Variants in SAT2 observed in about 807,000 individuals in gnomAD.
The protein encoded by SAT2 is thialysine N-epsilon-acetyltransferase.
SAT2 carries 19 observed loss-of-function variants against 24.8 expected under a neutral mutation model. The ratio of observed to expected loss-of-function variants is 0.77; its 90% CI spans 0.53 to 1.12. The LOEUF is 1.12. Ranked by LOEUF, SAT2 falls within the 50% of genes most tolerant of loss-of-function variation. The pLI is 0.00. For missense variants in SAT2, 190 were observed against 210.7 expected (o/e 0.90, Z 0.61); for synonymous variants, 77 against 77.4 (o/e 0.99, Z 0.03).
Position 7,626,432 on chromosome 17 carries a change from C to T in SAT2, c.*15G>A, listed in dbSNP as rs2072207724. 1 of 1,613,264 alleles carries T rather than the reference C, an allele frequency of 6.2e-7. No individual in the cohort carries two copies. The highest frequency in any genetic ancestry group is 1.3e-5 in the African/African-American group (1 of 74,896). On this transcript the variant is annotated 3_prime_UTR_variant, in exon 6 of 6. Transcript: ENST00000269298. ...GAAGGAGAAACTCAAGACAGAGATC[C>T]TCCTAGGGATGGCGTCACTTTCCTG...
rs776874716 is a variant in SAT2, at chr17:7,627,405, C to T, written c.76G>A (p.Glu26Lys). 3 of 1,614,090 alleles carry T rather than the reference C, an allele frequency of 1.9e-6. No homozygotes were observed. Among genetic ancestry groups the T allele is most frequent in the Non-Finnish European group, 2.5e-6 (3 of 1,180,018 alleles). The change falls in exon 2 of 6, where the codon GAA becomes AAA. Residue 26 changes from glutamate (E) to lysine (K), a missense_variant. Coordinates refer to ENST00000269298, the MANE Select transcript of SAT2 (RefSeq NM_133491.5). This position sits in a 1 kb window ranked among gnomAD's most constrained non-coding sequence, Gnocchi z 4.8. ...DILRLIRELA[E>K]FEKLSDQVKI... ...ACCTGATCCGAGAGTTTTTCGAATTCGGCTAGCTCCTAAGGCGTGGGTACG... is the reference window on the plus strand; with the variant it reads ...ACCTGATCCGAGAGTTTTTCGAATTTGGCTAGCTCCTAAGGCGTGGGTACG...
chr17:7,627,338 C>T lies in SAT2; in HGVS notation c.118+25G>A, dbSNP rs2150962931. The T allele has an allele frequency of 6.2e-7, 1 of 1,614,186 alleles. No individual in the cohort carries two copies. Among genetic ancestry groups the T allele is most frequent in the Non-Finnish European group, 8.5e-7 (1 of 1,180,028 alleles). ...CCCTCATTTCCTCCCCAGCCTCCGC[C>T]AGAACCTGGGCGCTGAGCCCCCACC... On this transcript the variant is annotated intron_variant, in intron 2 of 5. Transcript: ENST00000269298. This position sits in a 1 kb window ranked among gnomAD's most constrained non-coding sequence, Gnocchi z 4.8.
rs896743827 is a variant in SAT2 at position 7,627,332 on chromosome 17, C to T, written c.118+31G>A. The T allele has an allele frequency of 1.2e-6, 2 of 1,614,020 alleles. No individual in the cohort carries two copies. The stretch of plus-strand genomic sequence containing the variant: ...ACCCATCCCTCATTTCCTCCCCAGC[C>T]TCCGCCAGAACCTGGGCGCTGAGCC... On this transcript the variant is annotated intron_variant, in intron 2 of 5. Transcript: ENST00000269298. The surrounding 1 kb of genome is among the most constrained non-coding windows in gnomAD (Gnocchi z 4.8).
upstream of SAT2, chr17:7,627,840 T>A (rs879786656): frequency 1.5e-6 from 1 of 663,850 alleles, no homozygotes; most frequent in Non-Finnish European, 2.8e-6. The surrounding 1 kb of genome is among the most constrained non-coding windows in gnomAD (Gnocchi z 4.8). Flanking sequence ...AGCGAGGCGA[T>A]CCTCTGTCCG....
Position 7,626,395 on chromosome 17 carries a change from T to G in SAT2, c.*52A>C. 6.3e-7 allele frequency: 1 copy of G among 1,598,558 alleles called. No individual in the cohort carries two copies. The highest frequency in any genetic ancestry group is 8.5e-7 in the Non-Finnish European group (1 of 1,170,010). On this transcript the variant is annotated 3_prime_UTR_variant, in exon 6 of 6. Coordinates refer to ENST00000269298, the MANE Select transcript of SAT2 (RefSeq NM_133491.5). ...GTGGACGTAGTCTCTGAAGAGTGCTTCAGCTGATGGGGAAGGAGAAACTCA... is the reference window on the plus strand; with the variant it reads ...GTGGACGTAGTCTCTGAAGAGTGCTGCAGCTGATGGGGAAGGAGAAACTCA...
rs749498099 is a variant in SAT2 at position 7,626,999 on chromosome 17, G to A, written c.248C>T (p.Thr83Ile). ...GYGIYYFIYSTWKGRTIYLED... is the reference protein window; with the variant it reads ...GYGIYYFIYSIWKGRTIYLED... ...CAGATAAATGGTGCGTCCCTTCCAT[G>A]TACTGTAGATGAAATAGTATATCCC... is the stretch of plus-strand genomic sequence containing the variant. Residue 83 changes from threonine (T) to isoleucine (I), a missense_variant, in exon 4 of 6, where the codon ACA becomes ATA. Thr to Ile is a moderately conservative substitution (Grantham distance 89). Coordinates refer to ENST00000269298, the MANE Select transcript of SAT2 (RefSeq NM_133491.5). 1 of 1,613,942 alleles carries A rather than the reference G, an allele frequency of 6.2e-7. No homozygotes were observed. Among genetic ancestry groups the A allele is most frequent in the Admixed American group, 1.7e-5 (1 of 59,990 alleles).
Position 7,626,807 on chromosome 17 carries a change from A to G in SAT2, c.305-14T>C. 9.3e-6 allele frequency: 15 copies of G among 1,613,860 alleles called. No homozygotes were observed. The highest frequency in any genetic ancestry group is 1.3e-5 in the Non-Finnish European group (15 of 1,179,942). ...CAATCCCTTGACCTGTTGTGGAGAG[A>G]AAGAGGCAAAAAATAGCTATTGTTT... is the stretch of plus-strand genomic sequence containing the variant. On this transcript the variant is annotated splice_polypyrimidine_tract_variant and intron_variant, in intron 4 of 5. Coordinates refer to ENST00000269298, the MANE Select transcript of SAT2 (RefSeq NM_133491.5).
rs1447456523 is a variant in SAT2 at position 7,627,158 on chromosome 17, G to T, written c.187C>A (p.Pro63Thr). The T allele has an allele frequency of 1.2e-6, 2 of 1,614,130 alleles. No homozygotes were observed. The highest frequency in any genetic ancestry group is 8.5e-7 in the Non-Finnish European group (1 of 1,180,026). ...HCLVAEILPAPGKLLGPCVVG... is the reference protein window; with the variant it reads ...HCLVAEILPATGKLLGPCVVG... ...GTGCTCTTACCCAGTAGCTTCCCGG[G>T]CGCTGGAAGAATCTCTGCTACCAAA... Residue 63 changes from proline (P) to threonine (T), a missense_variant, in exon 3 of 6, where the codon CCC becomes ACC. Physicochemically the swap from Pro to Thr is conservative, Grantham distance 38. Coordinates refer to ENST00000269298, the MANE Select transcript of SAT2 (RefSeq NM_133491.5). The surrounding 1 kb of genome is among the most constrained non-coding windows in gnomAD (Gnocchi z 4.8).
In SAT2 at chr17:7,627,254, G is replaced by T. The variant is rs765505793; in HGVS notation, c.119-28C>A. On this transcript the variant is annotated intron_variant, in intron 2 of 5. Coordinates refer to ENST00000269298, the MANE Select transcript of SAT2 (RefSeq NM_133491.5). The surrounding 1 kb of genome is among the most constrained non-coding windows in gnomAD (Gnocchi z 4.8). ...GCCGAGATTGGAGTTGTGACAAAGAGATAGAGAAAGAGGACGTGGGTGTAT... is the reference window on the plus strand; with the variant it reads ...GCCGAGATTGGAGTTGTGACAAAGATATAGAGAAAGAGGACGTGGGTGTAT... The T allele has an allele frequency of 1.9e-6, 3 of 1,613,438 alleles. No homozygotes were observed. The highest frequency in any genetic ancestry group is 2.5e-6 in the Non-Finnish European group (3 of 1,179,412).
rs1325862155 is a variant in SAT2 at position 7,627,714 on chromosome 17, G to A, written c.-79C>T. 2 of 1,527,252 alleles carry A rather than the reference G, an allele frequency of 1.3e-6. No individual in the cohort carries two copies. The highest frequency in any genetic ancestry group is 1.8e-6 in the Non-Finnish European group (2 of 1,102,272). 94.6% of individuals were successfully genotyped at this position (1,527,252 alleles called of 1,614,324 possible). On this transcript the variant is annotated 5_prime_UTR_variant, in exon 1 of 6. Coordinates refer to ENST00000269298, the MANE Select transcript of SAT2 (RefSeq NM_133491.5). The surrounding 1 kb of genome is among the most constrained non-coding windows in gnomAD (Gnocchi z 4.8). Reference sequence around the variant, plus strand: ...GACCCCTTAAAGGGCCTACGGACTTGGATCCTGAAGAGCCTGAGAGAGCGG... The same window carrying A: ...GACCCCTTAAAGGGCCTACGGACTTAGATCCTGAAGAGCCTGAGAGAGCGG...
rs1458791834 is a variant in SAT2 at position 7,627,655 on chromosome 17, G to A, written c.-20C>T. 2.5e-6 allele frequency: 4 copies of A among 1,613,952 alleles called. No homozygotes were observed. The East Asian group carries it at 8.9e-5, about 36-fold the overall frequency. On this transcript the variant is annotated 5_prime_UTR_variant, in exon 1 of 6. Transcript: ENST00000269298. The surrounding 1 kb of genome is among the most constrained non-coding windows in gnomAD (Gnocchi z 4.8). The stretch of plus-strand genomic sequence containing the variant: ...AGCCATCCGGATCCCCGCTGTCTGG[G>A]ACCAAAGTCCCAGGGCCTCGCAAAC...
rs911877399 is a variant in SAT2, at chr17:7,627,467, C to G, written c.67-53G>C. The G allele has an allele frequency of 9.8e-5, 158 of 1,607,930 alleles. No homozygotes were observed. Among genetic ancestry groups the G allele is most frequent in the Admixed American group, 1.8e-4 (11 of 59,950 alleles). ...AGAGCAGAAGGGCCCCGCTGCTCCC[C>G]GAGCAGGTTCCCAAGGCGAGCCCCT... On this transcript the variant is annotated intron_variant, in intron 1 of 5. Coordinates refer to ENST00000269298, the MANE Select transcript of SAT2 (RefSeq NM_133491.5). This position sits in a 1 kb window ranked among gnomAD's most constrained non-coding sequence, Gnocchi z 4.8.
intron 4 of SAT2, 35 bp from the exon 5 acceptor site, chr17:7,626,828 T>A (rs1306489221): frequency 4.3e-6 from 7 of 1,612,350 alleles, no homozygotes; most frequent in Non-Finnish European, 5.9e-6. Context: ...AAATAGCTAT[T>A]GTTTGAGCTG....
At position 7,627,675 on chromosome 17, in the gene SAT2, G is replaced by A; in HGVS notation, c.-40C>T. 6.2e-7 allele frequency: 1 copy of A among 1,612,772 alleles called. No homozygotes were observed. The highest frequency in any genetic ancestry group is 1.1e-5 in the South Asian group (1 of 91,046). Reference sequence around the variant, plus strand: ...TCTGGGACCAAAGTCCCAGGGCCTCGCAAACGGCAACTAGACCCCTTAAAG... The same window carrying A: ...TCTGGGACCAAAGTCCCAGGGCCTCACAAACGGCAACTAGACCCCTTAAAG... On this transcript the variant is annotated 5_prime_UTR_variant, in exon 1 of 6. Transcript: ENST00000269298. The surrounding 1 kb of genome is among the most constrained non-coding windows in gnomAD (Gnocchi z 4.8).
rs756830485 is a variant in SAT2 at position 7,627,717 on chromosome 17, T to C, written c.-82A>G. On this transcript the variant is annotated 5_prime_UTR_variant, in exon 1 of 6. Coordinates refer to ENST00000269298, the MANE Select transcript of SAT2 (RefSeq NM_133491.5). The surrounding 1 kb of genome is among the most constrained non-coding windows in gnomAD (Gnocchi z 4.8). The stretch of plus-strand genomic sequence containing the variant: ...CCCTTAAAGGGCCTACGGACTTGGA[T>C]CCTGAAGAGCCTGAGAGAGCGGGGT... The C allele has an allele frequency of 2.7e-6, 4 of 1,484,576 alleles. No homozygotes were observed. The African/African-American group carries it at 4.2e-5, about 16-fold the overall frequency. The allele number at this position is 1,484,576 out of a possible 1,614,324, so 92.0% of individuals were successfully genotyped here.
rs1329231854 is a variant in SAT2, at chr17:7,627,564, CT to C, written c.66+5del. 2 of 1,609,764 alleles carry C rather than the reference CT, an allele frequency of 1.2e-6. No homozygotes were observed. Among genetic ancestry groups the C allele is most frequent in the Admixed American group, 1.7e-5 (1 of 59,634 alleles). On this transcript the variant is annotated splice_donor_5th_base_variant and intron_variant, in intron 1 of 5. Transcript: ENST00000269298. This position sits in a 1 kb window ranked among gnomAD's most constrained non-coding sequence, Gnocchi z 4.8. ...GACCCCCGGGTTACCGGCCTGCAGT[CT>C]TCACCCGAATCAGCCTCAGGATATC...
chr17:7,626,788 C>T lies in SAT2; in HGVS notation c.310G>A (p.Gly104Arg), dbSNP rs763963645. The T allele has an allele frequency of 2.8e-5, 45 of 1,614,010 alleles. No homozygotes were observed. Among genetic ancestry groups the T allele is most frequent in the Non-Finnish European group, 3.8e-5 (45 of 1,180,046 alleles). The change falls in exon 5 of 6, where the codon GGG becomes AGG. Residue 104 changes from glycine to arginine, a missense_variant. Transcript: ENST00000269298. ...TTTTTGATTATTTTGGAACCAATCC[C>T]TTGACCTGTTGTGGAGAGAAAGAGG... Reference protein sequence around the residue: ...IYVMPEYRGQGIGSKIIKKVA... With the variant: ...IYVMPEYRGQRIGSKIIKKVA...
In SAT2 at chr17:7,626,576, G is replaced by A. The variant is rs546670313; in HGVS notation, c.384C>T (p.Ala128=). The part of the protein sequence containing the change: ...LDKGCSQFRL[A]VLDWNQRAMD... ...TGGCCCTCTGGTTCCAGTCCAGGACGGCCAGGCGGAATTGGGAGCAGCCCT... is the reference window on the plus strand; with the variant it reads ...TGGCCCTCTGGTTCCAGTCCAGGACAGCCAGGCGGAATTGGGAGCAGCCCT... Residue 128 remains alanine (A), a synonymous_variant, in exon 6 of 6, where the codon GCC becomes GCT. Transcript: ENST00000269298. The A allele has an allele frequency of 3.1e-6, 5 of 1,613,868 alleles. No homozygotes were observed. The highest frequency in any genetic ancestry group is 1.3e-5 in the African/African-American group (1 of 74,914).
Position 7,627,809 on chromosome 17 carries a change from T to C in SAT2, c.-174A>G, listed in dbSNP as rs908033481. The C allele has an allele frequency of 5.3e-5, 39 of 732,594 alleles. No homozygotes were observed. Among genetic ancestry groups the C allele is most frequent in the Non-Finnish European group, 5.1e-5 (21 of 410,224 alleles). The allele number at this position is 732,594 out of a possible 1,614,324, so 45.4% of individuals were successfully genotyped here. A position where few individuals can be genotyped will look rare whatever the true frequency, so the allele number is the denominator to read the frequency against. ...AAGTGGAGCTGGGATTCCGGCGCCG[T>C]ACGGGAGGAGAGAGTAGGCCAGCGA... On this transcript the variant is annotated 5_prime_UTR_variant, in exon 1 of 6. Transcript: ENST00000269298. This position sits in a 1 kb window ranked among gnomAD's most constrained non-coding sequence, Gnocchi z 4.8.
Sources: gnomAD v4.1 joint callset for allele counts on GRCh38, gnomAD v4.1.1 for gene constraint, Gnocchi (gnomAD v3.1) non-coding constraint, MANE v1.5 for transcripts, NCBI Gene and HGNC (gene_info 2026-07-23, HGNC 2026-07-21) for gene names.